Variants in LGSN observed in about 807,000 individuals in gnomAD.
LGSN encodes the protein lengsin.
Under a neutral mutation model 19.5 loss-of-function variants are expected in LGSN, and 21 were observed. The observed-to-expected ratio is 1.07, with a 90% CI of 0.76 to 1.55. The LOEUF is 1.55. LGSN is among the 40% of genes most tolerant of loss of function. LGSN has a pLI of 0.00. For synonymous variants in LGSN, 257 were observed against 215.6 expected (o/e 1.19, Z -1.68); for missense variants, 673 against 608.5 (o/e 1.11, Z -1.12).
At chr6:63,427,451 T>C in the LGSN span, among the ~76,000 whole-genome samples, 147 of 152,248 alleles carry the variant, frequency 9.7e-4, no homozygotes, top group Non-Finnish European at 1.8e-3. Flanking sequence ...AAACTAAAAA[T>C]ATAAGCCGAG....
the LGSN span, among the ~76,000 whole-genome samples, chr6:63,403,732 T>C: frequency 1.3e-5 from 2 of 152,242 alleles, no homozygotes; most frequent in East Asian, 3.9e-4. Flanking sequence ...CTACAAATAC[T>C]AAAAGGTTAA....
At chr6:63,320,022 T>A (rs1769030948), upstream of LGSN, 4 of 1,070,484 alleles carry the variant, frequency 3.7e-6, no homozygotes, top group Non-Finnish European at 5.8e-6. Flanking sequence ...TATGTGTACC[T>A]ACAACAAAGA....
chr6:63,513,028 GT>G, the LGSN span, among the ~76,000 whole-genome samples: 1 of 152,224 alleles, frequency 6.6e-6, no homozygotes, highest in African/African-American at 2.4e-5. Flanking sequence ...GACATTCAGT[GT>G]TTGCCCAGAG....
chr6:63,535,494 C>A, the LGSN span, among the ~76,000 whole-genome samples: 1 of 152,046 alleles, frequency 6.6e-6, no homozygotes, highest in African/African-American at 2.4e-5. Flanking sequence ...CAATAATATG[C>A]ATTTCCCTCC....
intron 2 of LGSN, among the ~76,000 whole-genome samples, chr6:63,291,040 A>G (rs1245293911): frequency 6.6e-6 from 1 of 152,212 alleles, no homozygotes; most frequent in African/African-American, 2.4e-5. Flanking sequence ...CACTTATGAG[A>G]GACGGTGTGG....
the LGSN span, among the ~76,000 whole-genome samples, chr6:63,562,800 C>G: frequency 2.6e-5 from 4 of 152,190 alleles, no homozygotes; most frequent in Admixed American, 2.6e-4. Context: ...TAGTGTCTTT[C>G]TCTAAGCATA....
the LGSN span, among the ~76,000 whole-genome samples, chr6:63,419,797 G>C: frequency 7.0e-6 from 1 of 143,854 alleles, no homozygotes; most frequent in Non-Finnish European, 1.5e-5. Flanking sequence ...CTGAGGCAGG[G>C]GAACTACTTG....
At chr6:63,351,864 A>G in the LGSN span, among the ~76,000 whole-genome samples, 1 of 152,212 alleles carries the variant, frequency 6.6e-6, no homozygotes, top group Non-Finnish European at 1.5e-5. Context: ...TGTTTCAATG[A>G]CATATACTGT....
chr6:63,546,504 G>A, the LGSN span, among the ~76,000 whole-genome samples: 2 of 152,148 alleles, frequency 1.3e-5, no homozygotes, highest in Admixed American at 6.5e-5. Flanking sequence ...CAAGGAGTTC[G>A]AGACCAGCCT....
At chr6:63,405,991 T>A in the LGSN span, among the ~76,000 whole-genome samples, 1 of 152,174 alleles carries the variant, frequency 6.6e-6, no homozygotes, top group Non-Finnish European at 1.5e-5. Context: ...CCTAAATATA[T>A]ATGCAGCCAA....
intron 1 of LGSN, among the ~76,000 whole-genome samples, chr6:63,304,649 C>T (rs1431659833): frequency 2.6e-5 from 4 of 152,192 alleles, no homozygotes; most frequent in African/African-American, 9.7e-5. Context: ...CTAATAGGAA[C>T]CTTGGCTAAG....
the LGSN span, among the ~76,000 whole-genome samples, chr6:63,413,005 T>C: frequency 6.6e-6 from 1 of 152,008 alleles, no homozygotes; most frequent in Non-Finnish European, 1.5e-5. Flanking sequence ...AAATTGATCA[T>C]AAAATCATGT....
the LGSN span, among the ~76,000 whole-genome samples, chr6:63,509,168 G>T: frequency 1.3e-5 from 2 of 151,250 alleles, no homozygotes; most frequent in African/African-American, 4.9e-5. Flanking sequence ...AGGTTCAAGC[G>T]ATTCTTGAGG....
chr6:63,377,957 C>G, the LGSN span, among the ~76,000 whole-genome samples: 1 of 69,640 alleles, frequency 1.4e-5, no homozygotes, highest in Admixed American at 1.7e-4. Flanking sequence ...GGATGAATAA[C>G]AAGAAAGAAA....
the LGSN span, among the ~76,000 whole-genome samples, chr6:63,551,906 T>C: frequency 2.0e-5 from 3 of 152,116 alleles, no homozygotes; most frequent in African/African-American, 4.8e-5. Context: ...TATTCCATGG[T>C]GTATATGTGC....
At chr6:63,483,103 G>A in the LGSN span, among the ~76,000 whole-genome samples, 2 of 152,214 alleles carry the variant, frequency 1.3e-5, no homozygotes, top group Non-Finnish European at 1.5e-5. Flanking sequence ...TCTCTATTGG[G>A]AATGCTTTCA....
the LGSN span, among the ~76,000 whole-genome samples, chr6:63,347,144 G>C: frequency 6.6e-6 from 1 of 152,100 alleles, no homozygotes; most frequent in African/African-American, 2.4e-5. Context: ...AGTATGTGGG[G>C]AAAAATAAAT....
chr6:63,295,454 T>C (rs1014618911), intron 1 of LGSN, among the ~76,000 whole-genome samples: 9 of 152,174 alleles, frequency 5.9e-5, no homozygotes, highest in Non-Finnish European at 1.3e-4. Context: ...TCTGAAGGCA[T>C]AAGCATCTGA....
chr6:63,336,888 C>T, the LGSN span, among the ~76,000 whole-genome samples: 2 of 151,646 alleles, frequency 1.3e-5, no homozygotes, highest in South Asian at 2.1e-4. Flanking sequence ...GCGTGAACCA[C>T]CATGCCCGGC....
Sources: gnomAD v4.1 joint callset for allele counts (sites outside exome capture counted in the v4.1 genomes callset) on GRCh38, gnomAD v4.1.1 for gene constraint, MANE v1.5 for transcripts, NCBI Gene and HGNC (gene_info 2026-07-23, HGNC 2026-07-21) for gene names.